TNIK: variants seen among roughly 807,000 people sequenced by gnomAD.
The protein encoded by TNIK is TRAF2 and NCK interacting kinase, also known as TRAF2 and NCK-interacting protein kinase.
Under a neutral mutation model 191.3 loss-of-function variants are expected in TNIK, and 49 were observed. That is an observed-to-expected ratio of 0.26 (90% confidence interval 0.20 to 0.32). The LOEUF is 0.32. TNIK is among the 10% of genes least tolerant of loss of function. The probability of loss-of-function intolerance (pLI) is 1.00; values close to 1 mark genes in which losing one functional copy is unlikely to be tolerated. For missense variants in TNIK, 1,155 were observed against 1,702.3 expected (o/e 0.68, Z 5.66); for synonymous variants, 594 against 600.9 (o/e 0.99, Z 0.17).
Position 171,060,478 on chromosome 3 carries a change from C to T in TNIK, c.*3403G>A, listed in dbSNP as rs1172409674. On this transcript the variant is annotated 3_prime_UTR_variant, in exon 33 of 33. Coordinates refer to ENST00000436636, the MANE Select transcript of TNIK (RefSeq NM_015028.4). ...GTCAAAGTGTTAGAAAAATGGAGCC[C>T]CTGTCCAGGTGACCTTGTGAGATTT... 6.6e-6 allele frequency among the ~76,000 whole-genome samples: 1 copy of T among 152,092 alleles called. No homozygotes were observed. The highest frequency in any genetic ancestry group is 1.5e-5 in the Non-Finnish European group (1 of 68,000).
rs148717881 is a variant in TNIK, at chr3:171,160,204, G to C, written c.1016+1066C>G. Among the ~76,000 whole-genome samples the C allele has an allele frequency of 1.7e-4, 26 of 152,290 alleles. No homozygotes were observed. In the East Asian group the frequency reaches 5.0e-3, roughly 29 times the overall value. The stretch of plus-strand genomic sequence containing the variant: ...GGTAGGAAAGAAGTATTCGGTCTTT[G>C]ACCTTGAGGAATCCTGTGGCAGGTG... On this transcript the variant is annotated intron_variant, in intron 11 of 32. Transcript: ENST00000436636.
chr3:171,451,068 A>C (rs2108728137), intron 1 of TNIK, among the ~76,000 whole-genome samples: 1 of 152,306 alleles, frequency 6.6e-6, no homozygotes, highest in East Asian at 1.9e-4. Flanking sequence ...GCCCTCAGTG[A>C]CTTCTGCCTT....
intron 2 of TNIK, among the ~76,000 whole-genome samples, chr3:171,341,659 C>T (rs886697400): frequency 1.4e-4 from 22 of 152,144 alleles, no homozygotes; most frequent in African/African-American, 5.3e-4. Context: ...CAAAAAATAA[C>T]GTGATCATTT....
At chr3:171,205,376 G>A (rs1029833034) in intron 4 of TNIK, among the ~76,000 whole-genome samples, 6 of 152,212 alleles carry the variant, frequency 3.9e-5, no homozygotes, top group African/African-American at 1.4e-4. Context: ...GGTCAGAGCA[G>A]CCCTCTGCAT....
intron 30 of TNIK, among the ~76,000 whole-genome samples, chr3:171,067,284 A>G (rs73879279): frequency 6.6e-6 from 1 of 152,014 alleles, no homozygotes; most frequent in East Asian, 1.9e-4. Flanking sequence ...GTGAAAAAAA[A>G]ATATATATAT....
intron 1 of TNIK, among the ~76,000 whole-genome samples, chr3:171,376,558 A>G (rs929403386): frequency 1.3e-5 from 2 of 152,118 alleles, no homozygotes; most frequent in East Asian, 3.9e-4. Flanking sequence ...TACTACACGT[A>G]CATAGTGATT....
At position 171,215,176 on chromosome 3, in the gene TNIK, G is replaced by T. The variant is rs546050396; in HGVS notation, c.181-3935C>A. On this transcript the variant is annotated intron_variant, in intron 3 of 32. Transcript: ENST00000436636. ...CCTTCAACCCCCATGTGAGAAACCG[G>T]GATTGACCTTCTAGAAGATGAGAAA... Among the ~76,000 whole-genome samples the T allele has an allele frequency of 2.0e-5, 3 of 152,152 alleles. No individual in the cohort carries two copies. In the East Asian group the frequency reaches 5.8e-4, roughly 29 times the overall value.
intron 6 of TNIK, among the ~76,000 whole-genome samples, chr3:171,189,357 T>C (rs1376614042): frequency 1.3e-4 from 20 of 152,210 alleles, no homozygotes; most frequent in Admixed American, 1.2e-3. Context: ...CTACCTTTTC[T>C]ATATTGTGAA....
chr3:171,313,855 T>C (rs1225939302), intron 2 of TNIK, among the ~76,000 whole-genome samples: 2 of 152,146 alleles, frequency 1.3e-5, no homozygotes, highest in African/African-American at 4.8e-5. Context: ...TTTTGTGCCA[T>C]GATCTGAGTG....
At chr3:171,078,261 CTTTCA>C (rs1409237380) in intron 28 of TNIK, among the ~76,000 whole-genome samples, 6 of 152,038 alleles carry the variant, frequency 3.9e-5, no homozygotes, top group Admixed American at 2.6e-4. Flanking sequence ...TTCTTCAATA[CTTTCA>C]TTTCATATTC....
rs535505479 is a variant in TNIK, at chr3:171,095,415, CTTG to C, written c.2592-1450_2592-1448del. Among the ~76,000 whole-genome samples the C allele has an allele frequency of 1.7e-4, 26 of 152,328 alleles. No homozygotes were observed. In the South Asian group the frequency reaches 4.1e-3, roughly 24 times the overall value. ...AAGGATTTTGGTTGTTAATGCGATACTTGTTGTTCTCCTATTTTAGCATCTGCC... is the reference window on the plus strand; with the variant it reads ...AAGGATTTTGGTTGTTAATGCGATACTTGTTCTCCTATTTTAGCATCTGCC... On this transcript the variant is annotated intron_variant, in intron 22 of 32. Coordinates refer to ENST00000436636, the MANE Select transcript of TNIK (RefSeq NM_015028.4).
intron 2 of TNIK, among the ~76,000 whole-genome samples, chr3:171,363,865 TA>T (rs1715327182): frequency 6.6e-6 from 1 of 152,154 alleles, no homozygotes; most frequent in Non-Finnish European, 1.5e-5. Context: ...GCATATCAAA[TA>T]AAAACACTGA....
chr3:171,253,866 T>C (rs114583269), intron 2 of TNIK, among the ~76,000 whole-genome samples: 2,845 of 152,256 alleles, frequency 0.019, 87 homozygotes, highest in African/African-American at 0.064. Flanking sequence ...ATTCTACATA[T>C]TAAAACTTCC....
chr3:171,103,395 A>AATATCTGAATTTCAACTTTT (rs1312660200), intron 21 of TNIK, among the ~76,000 whole-genome samples: 9 of 152,176 alleles, frequency 5.9e-5, no homozygotes, highest in African/African-American at 2.2e-4. Context: ...AGGAAAAGCT[A>AATATCTGAATTTCAACTTTT]ATATCTGAAT....
chr3:171,312,112 T>TAA (rs1754086200), intron 2 of TNIK, among the ~76,000 whole-genome samples: 1 of 36,306 alleles, frequency 2.8e-5, no homozygotes, highest in African/African-American at 1.3e-4. Context: ...CAGCTCCAGA[T>TAA]TAAAAAAAAA....
chr3:171,372,647 A>G lies in TNIK; in HGVS notation c.58-2962T>C, dbSNP rs566046090. ...GTCACTGCATGTGGGATGCCCCCCA[A>G]TACCCGTCCCAGAGGTAACAATCTT... On this transcript the variant is annotated intron_variant, in intron 1 of 32. Coordinates refer to ENST00000436636, the MANE Select transcript of TNIK (RefSeq NM_015028.4). Among the ~76,000 whole-genome samples the G allele has an allele frequency of 1.9e-3, 287 of 152,262 alleles. 2 individuals carry two copies. Among genetic ancestry groups the G allele is most frequent in the Non-Finnish European group, 2.7e-3 (184 of 68,024 alleles).
chr3:171,458,124 G>T (rs1230435249), intron 1 of TNIK, among the ~76,000 whole-genome samples: 1 of 151,976 alleles, frequency 6.6e-6, no homozygotes, highest in Non-Finnish European at 1.5e-5. Context: ...GCATTGTTCA[G>T]ACCCCTTCCC....
At chr3:171,287,883 G>T (rs35746650) in intron 2 of TNIK, among the ~76,000 whole-genome samples, 6,369 of 151,376 alleles carry the variant, frequency 0.042, 186 homozygotes, top group African/African-American at 0.088. Context: ...GTTTATTGCG[G>T]CATTATTCAC....
intron 3 of TNIK, among the ~76,000 whole-genome samples, chr3:171,221,430 C>G (rs1156381982): frequency 6.6e-6 from 1 of 152,086 alleles, no homozygotes; most frequent in Non-Finnish European, 1.5e-5. Flanking sequence ...GTAGATCTCA[C>G]ATAGCTGTCA....
Sources: allele counts gnomAD v4.1 joint callset (sites outside exome capture counted in the v4.1 genomes callset), GRCh38; gene constraint gnomAD v4.1.1; transcripts MANE v1.5; gene names NCBI Gene and HGNC (gene_info 2026-07-23, HGNC 2026-07-21).